The following C4orf51 variants were observed in gnomAD, a reference collection of about 807,000 sequenced individuals.
C4orf51 encodes uncharacterized protein C4orf51.
In C4orf51, 25 loss-of-function variants were observed where a neutral mutation model predicts 25.2. The ratio of observed to expected loss-of-function variants is 0.99; its 90% CI spans 0.72 to 1.39. The LOEUF (loss-of-function observed/expected upper bound fraction) is 1.39. Ranked by LOEUF, C4orf51 falls within the 40% of genes most tolerant of loss-of-function variation. The pLI is 0.00. For synonymous variants in C4orf51, 100 were observed against 84.5 expected (o/e 1.18, Z -1.01); for missense variants, 252 against 239.6 (o/e 1.05, Z -0.34).
At chr4:145,766,187 G>A (rs1215296342) in intron 1 of C4orf51, among the ~76,000 whole-genome samples, 1 of 152,102 alleles carries the variant, frequency 6.6e-6, no homozygotes, top group African/African-American at 2.4e-5. Context: ...TGGAGAAGAG[G>A]TTTGAGTTCG....
chr4:145,765,052 T>G lies in C4orf51; in HGVS notation n.167-5936T>G. ...TCCAGCAGCTGTTCGGGGGTCTTCATGAACTTGTGGCACACATCACACTCA... is the reference window on the plus strand; with the variant it reads ...TCCAGCAGCTGTTCGGGGGTCTTCAGGAACTTGTGGCACACATCACACTCA... On this transcript the variant is annotated intron_variant and non_coding_transcript_variant, in intron 1 of 1. Transcript: ENST00000510096. This position sits in a 1 kb window ranked among gnomAD's most constrained non-coding sequence, Gnocchi z 4.7. The G allele has an allele frequency of 6.2e-7, 1 of 1,614,248 alleles. No individual in the cohort carries two copies. Among genetic ancestry groups the G allele is most frequent in the South Asian group, 1.1e-5 (1 of 91,086 alleles).
At chr4:145,742,341 T>C (rs766631278) in intron 1 of C4orf51, among the ~76,000 whole-genome samples, 1 of 152,156 alleles carries the variant, frequency 6.6e-6, no homozygotes, top group Non-Finnish European at 1.5e-5. Context: ...ATTAAAGCCA[T>C]CTCCTAAGGT....
intron 1 of C4orf51, among the ~76,000 whole-genome samples, chr4:145,768,543 A>T (rs1013167446): frequency 6.6e-6 from 1 of 152,044 alleles, no homozygotes; most frequent in African/African-American, 2.4e-5. Context: ...GAATGTTAAG[A>T]TGTCAATTAT....
At chr4:145,757,039 A>G (rs1489391410), downstream of C4orf51, among the ~76,000 whole-genome samples, 1 of 152,246 alleles carries the variant, frequency 6.6e-6, no homozygotes, top group East Asian at 1.9e-4. Flanking sequence ...AAGGTCTCAA[A>G]TAGATAGAAC....
At chr4:145,749,918 G>A (rs373383157) in intron 1 of C4orf51, among the ~76,000 whole-genome samples, 2 of 152,078 alleles carry the variant, frequency 1.3e-5, no homozygotes, top group African/African-American at 2.4e-5. Flanking sequence ...ACAGACATGA[G>A]CCACCGTGCC....
At chr4:145,776,191 T>C in the C4orf51 span, among the ~76,000 whole-genome samples, 16 of 152,166 alleles carry the variant, frequency 1.1e-4, no homozygotes, top group Non-Finnish European at 4.4e-5. Context: ...GCACTGTGGC[T>C]CACACCTGTA....
At position 145,765,856 on chromosome 4, in the gene C4orf51, A is replaced by C; in HGVS notation, n.167-5132A>C. ...ATCATCATTCTGGGGGCACAGGCTC[A>C]TGTCCCCAGCTCCCCCACTGCTGGG... On this transcript the variant is annotated intron_variant and non_coding_transcript_variant, in intron 1 of 1. Transcript: ENST00000510096. This position sits in a 1 kb window ranked among gnomAD's most constrained non-coding sequence, Gnocchi z 4.7. 3.0e-5 allele frequency: 31 copies of C among 1,030,894 alleles called. No individual in the cohort carries two copies. Among genetic ancestry groups the C allele is most frequent in the Non-Finnish European group, 3.9e-5 (28 of 725,180 alleles). 63.9% of individuals were successfully genotyped at this position (1,030,894 alleles called of 1,614,324 possible). A position where few individuals can be genotyped will look rare whatever the true frequency, so the allele number is the denominator to read the frequency against.
chr4:145,741,555 A>C (rs1560862022), intron 1 of C4orf51, among the ~76,000 whole-genome samples: 1 of 152,132 alleles, frequency 6.6e-6, no homozygotes, highest in African/African-American at 2.4e-5. Flanking sequence ...GTGGCTGGAG[A>C]TTATAATGCC....
Position 145,729,192 on chromosome 4 carries a change from T to G in C4orf51, c.390T>G (p.Gly130=). ...AGGCACATCAAATTTGGGATTTTGG[T>G]GATTGTTTTCCGACACCTCCAAATT... The part of the protein sequence containing the change: ...HGVAHQIWDF[G]DCFPTPPNYG... The change falls in exon 4 of 6, where the codon GGT becomes GGG. Residue 130 remains glycine, a synonymous_variant. Coordinates refer to ENST00000438731, the MANE Select transcript of C4orf51 (RefSeq NM_001080531.3). 2 of 1,608,988 alleles carry G rather than the reference T, an allele frequency of 1.2e-6. No homozygotes were observed. Among genetic ancestry groups the G allele is most frequent in the Non-Finnish European group, 1.7e-6 (2 of 1,176,318 alleles).
chr4:145,785,567 C>T, the C4orf51 span, among the ~76,000 whole-genome samples: 5 of 152,264 alleles, frequency 3.3e-5, no homozygotes, highest in South Asian at 8.3e-4. Context: ...GGTTGGGCAA[C>T]AGTTTCCACA....
At chr4:145,709,611 GCAGA>G (rs1731024504) in intron 2 of C4orf51, among the ~76,000 whole-genome samples, 1 of 152,258 alleles carries the variant, frequency 6.6e-6, no homozygotes, top group African/African-American at 2.4e-5. Context: ...TGCCCCTGAG[GCAGA>G]CAGTCTGGCA....
chr4:145,700,260 C>T (rs2126701332), intron 2 of C4orf51, among the ~76,000 whole-genome samples: 1 of 152,066 alleles, frequency 6.6e-6, no homozygotes, highest in South Asian at 2.1e-4. Context: ...TCTCTGTGCC[C>T]CAATCCCTTA....
downstream of C4orf51, among the ~76,000 whole-genome samples, chr4:145,736,901 G>A (rs1028312718): frequency 8.5e-5 from 13 of 152,244 alleles, no homozygotes; most frequent in South Asian, 1.5e-3. Context: ...TCTGTCATTA[G>A]AAGGCCTTCT....
intron 1 of C4orf51, among the ~76,000 whole-genome samples, chr4:145,740,127 ATTTCTT>A (rs775848128): frequency 6.6e-6 from 1 of 151,530 alleles, no homozygotes; most frequent in Non-Finnish European, 1.5e-5. Flanking sequence ...TGCCATCAGC[ATTTCTT>A]CTTTTCTGGA....
intron 2 of C4orf51, 116 bp downstream of exon 2, chr4:145,696,748 G>A (rs568666424): frequency 1.2e-5 from 9 of 782,176 alleles, no homozygotes; most frequent in Non-Finnish European, 6.2e-6. Context: ...AATAAAAATT[G>A]TAGGCCGGGC....
Position 145,696,644 on chromosome 4 carries a change from A to T in C4orf51, c.307+12A>T, listed in dbSNP as rs777191071. 3 of 1,604,396 alleles carry T rather than the reference A, an allele frequency of 1.9e-6. No homozygotes were observed. Among genetic ancestry groups the T allele is most frequent in the East Asian group, 4.5e-5 (2 of 44,834 alleles). On this transcript the variant is annotated intron_variant, in intron 2 of 5. Coordinates refer to ENST00000438731, the MANE Select transcript of C4orf51 (RefSeq NM_001080531.3). ...TACAGATATCAAAGGTAAGTGCAAC[A>T]TGATCAGTTTCTGGGCCCAGCCCTT...
At chr4:145,686,665 A>T (rs1375554130) in intron 1 of C4orf51, among the ~76,000 whole-genome samples, 2 of 152,210 alleles carry the variant, frequency 1.3e-5, no homozygotes, top group Non-Finnish European at 2.9e-5. Flanking sequence ...TGGAAACAAC[A>T]GTGAGGTTTG....
the C4orf51 span, chr4:145,779,620 G>A: frequency 6.9e-7 from 1 of 1,439,280 alleles, no homozygotes; most frequent in South Asian, 1.4e-5. Context: ...AATGTGGCTA[G>A]TAATTGCAAA....
At chr4:145,701,837 A>G (rs2126706119) in intron 2 of C4orf51, among the ~76,000 whole-genome samples, 1 of 152,116 alleles carries the variant, frequency 6.6e-6, no homozygotes, top group South Asian at 2.1e-4. Context: ...CCACCTGCCC[A>G]GTTCCATTAT....
Sources: allele counts gnomAD v4.1 joint callset (sites outside exome capture counted in the v4.1 genomes callset), GRCh38; gene constraint gnomAD v4.1.1; non-coding constraint Gnocchi (gnomAD v3.1); transcripts MANE v1.5; gene names NCBI Gene and HGNC (gene_info 2026-07-23, HGNC 2026-07-21).